Variants in CDKL1 observed in about 807,000 individuals in gnomAD.
The protein encoded by CDKL1 is cyclin dependent kinase like 1.
A neutral mutation model predicts 42.0 loss-of-function variants in CDKL1; 41 were observed. The ratio of observed to expected loss-of-function variants is 0.98; its 90% CI spans 0.76 to 1.27. The LOEUF is 1.27. Ranked by LOEUF, CDKL1 falls within the 50% of genes most tolerant of loss-of-function variation. The pLI, the probability that CDKL1 is intolerant of heterozygous loss-of-function variation, is 0.00. For synonymous variants in CDKL1, 153 were observed against 158.6 expected, an observed-to-expected ratio of 0.96 and a Z score of 0.26; for missense variants, 394 against 428.4, an observed-to-expected ratio of 0.92 and a Z score of 0.71.
intron 1 of CDKL1, chr14:50,396,600 T>A: frequency 3.1e-6 from 1 of 318,702 alleles, no homozygotes; most frequent in Non-Finnish European, 4.5e-6. Context: ...GGTTCTAATT[T>A]CGGGTCTCAT....
intron 9 of CDKL1, chr14:50,331,913 G>A (rs921851403): frequency 4.3e-6 from 4 of 939,136 alleles, no homozygotes; most frequent in African/African-American, 3.3e-5. Context: ...AAGTGTACAT[G>A]ATGACACAGA....
In CDKL1 at chr14:50,387,021, C is replaced by T. The variant is rs540616702; in HGVS notation, c.168+8680G>A. Among the ~76,000 whole-genome samples the T allele has an allele frequency of 5.6e-5, 4 of 71,944 alleles. No individual in the cohort carries two copies. In the South Asian group the frequency reaches 1.7e-3, roughly 31 times the overall value. The allele number at this position is 71,944 out of a possible 152,430, so 47.2% of individuals were successfully genotyped here. A position where few individuals can be genotyped will look rare whatever the true frequency, so the allele number is the denominator to read the frequency against. ...CAGCCTGGAAGACAGAGCGAGACTC[C>T]GTCTCAAAAAGAAAAAAAAAAAAAG... On this transcript the variant is annotated intron_variant, in intron 2 of 9. Coordinates refer to ENST00000395834, the MANE Select transcript of CDKL1 (RefSeq NM_004196.7).
chr14:50,365,209 T>C (rs145576802), intron 2 of CDKL1, among the ~76,000 whole-genome samples: 65 of 152,280 alleles, frequency 4.3e-4, no homozygotes, highest in African/African-American at 1.5e-3. Flanking sequence ...GACAGTATTT[T>C]TACCATATTA....
At chr14:50,365,270 G>T (rs1196201995) in intron 2 of CDKL1, among the ~76,000 whole-genome samples, 1 of 152,094 alleles carries the variant, frequency 6.6e-6, no homozygotes, top group African/African-American at 2.4e-5. Context: ...GATATATATT[G>T]CCAAATTGCT....
At chr14:50,377,355 G>C (rs2034762484) in intron 2 of CDKL1, among the ~76,000 whole-genome samples, 1 of 152,128 alleles carries the variant, frequency 6.6e-6, no homozygotes, top group African/African-American at 2.4e-5. Context: ...CGTTCCTTGG[G>C]CTCCTTAAAG....
intron 2 of CDKL1, among the ~76,000 whole-genome samples, chr14:50,372,356 G>T (rs955621083): frequency 7.9e-5 from 12 of 152,056 alleles, no homozygotes; most frequent in African/African-American, 1.9e-4. Flanking sequence ...GACCTCAGGT[G>T]ATCTGCCTGC....
chr14:50,334,660 A>G (rs2033155307), intron 7 of CDKL1, 39 bp from the exon 8 acceptor site: 2 of 1,204,224 alleles, frequency 1.7e-6, no homozygotes, highest in Non-Finnish European at 1.2e-6. Context: ...TACAGCATGT[A>G]TTCAAATTAA....
intron 5 of CDKL1, 121 bp from the exon 6 acceptor site, chr14:50,341,353 C>T: frequency 7.6e-7 from 1 of 1,312,494 alleles, no homozygotes; most frequent in Non-Finnish European, 9.9e-7. Context: ...CGCTGGTTCT[C>T]AATTCTAGTT....
Position 50,338,970 on chromosome 14 carries a change from T to A in CDKL1, c.715A>T (p.Lys239Ter). 2 of 1,611,772 alleles carry A rather than the reference T, an allele frequency of 1.2e-6. No individual in the cohort carries two copies. Among genetic ancestry groups the A allele is most frequent in the Non-Finnish European group, 1.7e-6 (2 of 1,177,798 alleles). Residue 239 changes from lysine (K) to a stop codon, truncating the protein, a stop_gained, in exon 7 of 10, where the codon AAA (lysine) becomes TAA (stop). Transcript: ENST00000395834. LOFTEE classifies it high-confidence loss of function. ...FSTNQYFSGV[K>*]IPDPEDMEPL... ...ACCATATCTTCAGGGTCTGGAATTT[T>A]CACTCCACTGAAGTACTGATTCGTG...
Position 50,345,058 on chromosome 14 carries a change from C to T in CDKL1, c.291G>A (p.Gly97=), listed in dbSNP as rs755211425. The change falls in exon 4 of 10, where the codon GGG becomes GGA. Residue 97 remains glycine (G), a splice_region_variant and synonymous_variant. Transcript: ENST00000395834. ...VLHELDRYQR[G]VPEHLVKSIT... The stretch of plus-strand genomic sequence containing the variant: ...TGCTCTTCACGAGATGTTCTGGTAC[C>T]CTAATAAAAATAAAGCAGCACAAAC... The T allele has an allele frequency of 1.9e-6, 3 of 1,613,252 alleles. No homozygotes were observed. Among genetic ancestry groups the T allele is most frequent in the East Asian group, 2.2e-5 (1 of 44,856 alleles).
In CDKL1 at chr14:50,345,055, T is replaced by G; in HGVS notation, c.294A>C (p.Val98=). 6.2e-7 allele frequency: 1 copy of G among 1,613,704 alleles called. No individual in the cohort carries two copies. Among genetic ancestry groups the G allele is most frequent in the Non-Finnish European group, 8.5e-7 (1 of 1,179,834 alleles). The change falls in exon 4 of 10, where the codon GTA becomes GTC. Residue 98 remains valine, a synonymous_variant. Coordinates refer to ENST00000395834, the MANE Select transcript of CDKL1 (RefSeq NM_004196.7). ...TTATGCTCTTCACGAGATGTTCTGGTACCCTAATAAAAATAAAGCAGCACA... is the reference window on the plus strand; with the variant it reads ...TTATGCTCTTCACGAGATGTTCTGGGACCCTAATAAAAATAAAGCAGCACA... ...LHELDRYQRG[V]PEHLVKSITW...
chr14:50,383,235 G>C (rs992511456), intron 2 of CDKL1, among the ~76,000 whole-genome samples: 1 of 151,752 alleles, frequency 6.6e-6, no homozygotes, highest in African/African-American at 2.4e-5. Context: ...CCGGTTTGGA[G>C]TCTTATAATA....
intron 2 of CDKL1, among the ~76,000 whole-genome samples, chr14:50,382,994 C>T (rs1384601880): frequency 6.6e-6 from 1 of 151,446 alleles, no homozygotes; most frequent in Non-Finnish European, 1.5e-5. Context: ...GTGGCACGAT[C>T]TCTGCTCACT....
chr14:50,364,712 C>G (rs1197192470), intron 2 of CDKL1, among the ~76,000 whole-genome samples: 1 of 152,154 alleles, frequency 6.6e-6, no homozygotes, highest in Non-Finnish European at 1.5e-5. Flanking sequence ...TACACACAGG[C>G]ACATACAACA....
intron 7 of CDKL1, among the ~76,000 whole-genome samples, chr14:50,336,380 A>G (rs1260953704): frequency 2.0e-5 from 3 of 152,202 alleles, no homozygotes; most frequent in East Asian, 1.9e-4. Flanking sequence ...ACAAGTGAAC[A>G]GGAAATCACT....
chr14:50,362,948 C>T (rs1430286820), intron 2 of CDKL1: 7 of 463,866 alleles, frequency 1.5e-5, no homozygotes, highest in Non-Finnish European at 3.1e-5. Flanking sequence ...ATAAATCTTG[C>T]TGCTGCTCAC....
chr14:50,345,202 G>C, intron 3 of CDKL1, 144 bp from the exon 4 acceptor site: 1 of 687,566 alleles, frequency 1.5e-6, no homozygotes, highest in South Asian at 1.9e-5. Context: ...ATCATTCCAT[G>C]AATCCAAAAT....
In CDKL1 at chr14:50,365,142, T is replaced by C. The variant is rs551302236; in HGVS notation, c.169-5993A>G. On this transcript the variant is annotated intron_variant, in intron 2 of 9. Coordinates refer to ENST00000395834, the MANE Select transcript of CDKL1 (RefSeq NM_004196.7). Reference sequence around the variant, plus strand: ...CCCCAGAAATGTGGCTCTAACTAGATAGAGTCAAATTGCTTTCCAAAAGGA... The same window carrying C: ...CCCCAGAAATGTGGCTCTAACTAGACAGAGTCAAATTGCTTTCCAAAAGGA... Among the ~76,000 whole-genome samples, 15 of 152,262 alleles carry C rather than the reference T, an allele frequency of 9.9e-5. 1 individual carries two copies. In the South Asian group the frequency reaches 2.5e-3, roughly 25 times the overall value.
intron 2 of CDKL1, among the ~76,000 whole-genome samples, chr14:50,379,173 T>A (rs2034831457): frequency 6.6e-6 from 1 of 152,168 alleles, no homozygotes; most frequent in Non-Finnish European, 1.5e-5. Context: ...AATGTGCTGC[T>A]GGCATAGCTC....
Sources: gnomAD v4.1 joint callset for allele counts (sites outside exome capture counted in the v4.1 genomes callset) on GRCh38, gnomAD v4.1.1 for gene constraint, MANE v1.5 for transcripts, NCBI Gene and HGNC (gene_info 2026-07-23, HGNC 2026-07-21) for gene names.